Variants in NOC3L observed in about 807,000 individuals in gnomAD.
NOC3L encodes the protein nucleolar complex protein 3 homolog.
In NOC3L, 85 loss-of-function variants were observed where a neutral mutation model predicts 102.5. The observed-to-expected ratio is 0.83, with a 90% CI of 0.70 to 0.99. NOC3L has a LOEUF of 0.99. NOC3L is among the 50% of genes least tolerant of loss of function. The probability of loss-of-function intolerance (pLI) is 0.00; values close to 1 mark genes in which losing one functional copy is unlikely to be tolerated. For synonymous variants in NOC3L, 303 were observed against 309.4 expected (o/e 0.98, Z 0.22); for missense variants, 878 against 914.9 (o/e 0.96, Z 0.52).
rs1204470160 is a variant in NOC3L, at chr10:94,337,861, G to C, written c.2105C>G (p.Pro702Arg). 6.2e-7 allele frequency: 1 copy of C among 1,612,894 alleles called. No individual in the cohort carries two copies. Among genetic ancestry groups the C allele is most frequent in the Non-Finnish European group, 8.5e-7 (1 of 1,178,990 alleles). ...ELHALRRHYHPIVQRFAAHLI... is the reference protein window; with the variant it reads ...ELHALRRHYHRIVQRFAAHLI... ...GTGGGCTGCAAATCTCTGCACTATG[G>C]GATGATAATGCCTCTGAAGGGAAAA... is the stretch of plus-strand genomic sequence containing the variant. The change falls in exon 19 of 21, where the codon CCC becomes CGC. Residue 702 changes from proline to arginine, a missense_variant. Coordinates refer to ENST00000371361, the MANE Select transcript of NOC3L (RefSeq NM_022451.11).
chr10:94,335,834 G>A (rs575825099), intron 19 of NOC3L, among the ~76,000 whole-genome samples: 2 of 152,134 alleles, frequency 1.3e-5, no homozygotes, highest in East Asian at 3.9e-4. Flanking sequence ...CTTGCAAACG[G>A]AAAAAACCTA....
At position 94,350,280 on chromosome 10, in the gene NOC3L, G is replaced by A; in HGVS notation, c.961C>T (p.Gln321Ter). 1 of 1,613,706 alleles carries A rather than the reference G, an allele frequency of 6.2e-7. No homozygotes were observed. The highest frequency in any genetic ancestry group is 8.5e-7 in the Non-Finnish European group (1 of 1,179,758). Reference sequence around the variant, plus strand: ...ACATTACTTTTCTTCAGCTTCCTCTGCTTCCAATCTAATCAAAAGATAACT... The same window carrying A: ...ACATTACTTTTCTTCAGCTTCCTCTACTTCCAATCTAATCAAAAGATAACT... ...NLEQMVKDWK[Q>*]RKLKKSNVVS... The change falls in exon 9 of 21, where the codon CAG becomes TAG. Residue 321 changes from glutamine to a stop codon, truncating the protein, a stop_gained. Coordinates refer to ENST00000371361, the MANE Select transcript of NOC3L (RefSeq NM_022451.11). LOFTEE classifies it high-confidence loss of function.
At chr10:94,319,693 G>T in the NOC3L span, among the ~76,000 whole-genome samples, 2 of 152,150 alleles carry the variant, frequency 1.3e-5, no homozygotes, top group East Asian at 3.9e-4. Context: ...TTGACTCAAA[G>T]AAATGATCAT....
chr10:94,325,716 A>G, the NOC3L span: 5 of 152,444 alleles, frequency 3.3e-5, no homozygotes, highest in East Asian at 5.8e-4. Context: ...CAACTTGCCC[A>G]AAGTACTCTG....
Position 94,349,390 on chromosome 10 carries a change from A to G in NOC3L, c.1129-12T>C. 1 of 1,570,070 alleles carries G rather than the reference A, an allele frequency of 6.4e-7. No homozygotes were observed. ...CACATTTCAGATATCTGAAAAATAA[A>G]ATGTCATACTTAACCAGTGTTTCTC... is the stretch of plus-strand genomic sequence containing the variant. On this transcript the variant is annotated splice_polypyrimidine_tract_variant and intron_variant, in intron 9 of 20. Transcript: ENST00000371361.
At chr10:94,351,355 T>A (rs1316518862) in intron 8 of NOC3L, among the ~76,000 whole-genome samples, 1 of 150,570 alleles carries the variant, frequency 6.6e-6, no homozygotes, top group Non-Finnish European at 1.5e-5. Context: ...AATGAGCCAA[T>A]TAGGCCAAAT....
Position 94,356,576 on chromosome 10 carries a change from T to C in NOC3L, c.524A>G (p.Lys175Arg), listed in dbSNP as rs768437443. 2 of 1,569,942 alleles carry C rather than the reference T, an allele frequency of 1.3e-6. No homozygotes were observed. The highest frequency in any genetic ancestry group is 1.8e-6 in the Non-Finnish European group (2 of 1,141,014). ...TREKPVTDSNKDEEDQEEERE... is the reference protein window; with the variant it reads ...TREKPVTDSNRDEEDQEEERE... ...CTCTTCTTCTTGATCCTCTTCATCTTTGTTACTATCAGTAACTATATGGAA... is the reference window on the plus strand; with the variant it reads ...CTCTTCTTCTTGATCCTCTTCATCTCTGTTACTATCAGTAACTATATGGAA... The change falls in exon 5 of 21, where the codon AAA (lysine) becomes AGA (arginine). Residue 175 changes from lysine (K) to arginine (R), a missense_variant. Transcript: ENST00000371361.
At chr10:94,347,169 G>A (rs1423624361) in intron 10 of NOC3L, among the ~76,000 whole-genome samples, 2 of 152,132 alleles carry the variant, frequency 1.3e-5, no homozygotes, top group Non-Finnish European at 2.9e-5. Context: ...CCTCCCGCAG[G>A]CACAGCAGCA....
intron 13 of NOC3L, among the ~76,000 whole-genome samples, chr10:94,344,165 A>G (rs2054317069): frequency 6.6e-6 from 1 of 152,234 alleles, no homozygotes; most frequent in Non-Finnish European, 1.5e-5. Flanking sequence ...TGAGAGATTT[A>G]ACCTTAGGAA....
At chr10:94,353,292 T>A (rs188469496) in intron 6 of NOC3L, among the ~76,000 whole-genome samples, 1 of 152,332 alleles carries the variant, frequency 6.6e-6, no homozygotes, top group Non-Finnish European at 1.5e-5. Context: ...TGAGGCTGGA[T>A]AATTTATAAA....
At chr10:94,359,052 T>G (rs2054521849) in intron 2 of NOC3L, among the ~76,000 whole-genome samples, 1 of 151,892 alleles carries the variant, frequency 6.6e-6, no homozygotes. Flanking sequence ...CTATTTGAAG[T>G]GCTGAGGATT....
In NOC3L at chr10:94,346,466, A is replaced by C. The variant is rs758495783; in HGVS notation, c.1348T>G (p.Phe450Val). 2.4e-5 allele frequency: 37 copies of C among 1,516,890 alleles called. No individual in the cohort carries two copies. Among genetic ancestry groups the C allele is most frequent in the Non-Finnish European group, 3.3e-5 (37 of 1,129,532 alleles). 94.0% of individuals were successfully genotyped at this position (1,516,890 alleles called of 1,614,324 possible). A position where few individuals can be genotyped will look rare whatever the true frequency, so the allele number is the denominator to read the frequency against. ...GATAGAGATTTTCTCTTTTCTTTGA[A>C]AGTCATAAATTTTTTTGGTTTATTA... ...DINKPKKFMTFKEKRKSLSRM... is the reference protein window; with the variant it reads ...DINKPKKFMTVKEKRKSLSRM... Residue 450 changes from phenylalanine (F) to valine (V), a missense_variant, in exon 11 of 21, where the codon TTC becomes GTC. Physicochemically the swap from Phe to Val is conservative, Grantham distance 50. Transcript: ENST00000371361.
At position 94,339,720 on chromosome 10, in the gene NOC3L, C is replaced by A; in HGVS notation, c.1962+19G>T. The A allele has an allele frequency of 1.3e-6, 2 of 1,597,614 alleles. No individual in the cohort carries two copies. Among genetic ancestry groups the A allele is most frequent in the South Asian group, 2.2e-5 (2 of 89,122 alleles). ...TGCATTATAAGAACTTAGCTCTGTT[C>A]ATTTGTATCACTACTTACATGCATT... On this transcript the variant is annotated intron_variant, in intron 17 of 20. Coordinates refer to ENST00000371361, the MANE Select transcript of NOC3L (RefSeq NM_022451.11).
chr10:94,331,735 T>A (rs2054157790), downstream of NOC3L: 1 of 152,230 alleles, frequency 6.6e-6, no homozygotes, highest in South Asian at 2.1e-4. Context: ...TAATAATTTA[T>A]GTGTTCTCTG....
At chr10:94,315,944 G>A in the NOC3L span, among the ~76,000 whole-genome samples, 1 of 151,800 alleles carries the variant, frequency 6.6e-6, no homozygotes, top group Admixed American at 6.6e-5. Context: ...CCAATAATTC[G>A]TAGCCAACAA....
intron 1 of NOC3L, 66 bp downstream of exon 1, chr10:94,362,764 C>G: frequency 1.9e-6 from 3 of 1,566,800 alleles, no homozygotes; most frequent in Non-Finnish European, 2.6e-6. Flanking sequence ...AAAGCTAACT[C>G]AGGCAGTGAC....
At chr10:94,335,223 C>T (rs911179238) in intron 19 of NOC3L, among the ~76,000 whole-genome samples, 1 of 152,142 alleles carries the variant, frequency 6.6e-6, no homozygotes, top group Non-Finnish European at 1.5e-5. Context: ...CGCCAAAACA[C>T]ATAGGCAAGG....
Position 94,339,883 on chromosome 10 carries a change from G to A in NOC3L, c.1818C>T (p.Cys606=), listed in dbSNP as rs778363270. ...TNEGVEIVLQ[C]LDVMLTKRRK... ...TGCGCTTAGTTAGCATGACATCAAG[G>A]CACTGGAGTACAATCTCAACACCTT... The change falls in exon 17 of 21, where the codon TGC becomes TGT. Residue 606 remains cysteine, a synonymous_variant. Transcript: ENST00000371361. 2.5e-6 allele frequency: 4 copies of A among 1,614,120 alleles called. No individual in the cohort carries two copies. In the East Asian group the frequency reaches 8.9e-5, roughly 36 times the overall value.
At chr10:94,329,415 AC>A (rs2133962409), downstream of NOC3L, 1 of 152,326 alleles carries the variant, frequency 6.6e-6, no homozygotes, top group African/African-American at 2.4e-5. Context: ...ACTTTGAGAA[AC>A]TTTTTTAACC....
Sources: gnomAD v4.1 joint callset for allele counts (sites outside exome capture counted in the v4.1 genomes callset) on GRCh38, gnomAD v4.1.1 for gene constraint, MANE v1.5 for transcripts, NCBI Gene and HGNC (gene_info 2026-07-23, HGNC 2026-07-21) for gene names.